Variants in SYNPR observed in about 807,000 individuals in gnomAD.
The protein encoded by SYNPR is synaptoporin.
Under a neutral mutation model 32.9 loss-of-function variants are expected in SYNPR, and 23 were observed. The ratio of observed to expected loss-of-function variants is 0.70; its 90% confidence interval spans 0.50 to 0.99. SYNPR has a LOEUF of 0.99. SYNPR is among the 50% of genes least tolerant of loss of function. SYNPR has a pLI of 0.00. For missense variants in SYNPR, 318 were observed against 349.3 expected, an observed-to-expected ratio of 0.91 and a Z score of 0.71; for synonymous variants, 146 against 135.9, an observed-to-expected ratio of 1.07 and a Z score of -0.52.
At position 63,256,591 on chromosome 3, in the gene SYNPR, A is replaced by C. The variant is rs185280798; in HGVS notation, n.154+4005A>C. 5.3e-5 allele frequency among the ~76,000 whole-genome samples: 8 copies of C among 152,284 alleles called. No homozygotes were observed. In the South Asian group the frequency reaches 6.2e-4, roughly 12 times the overall value. The stretch of plus-strand genomic sequence containing the variant: ...TGTATGTCACCATCATCAAAGACCA[A>C]ATGTAGATAAAACCACAAAGATGGA... On this transcript the variant is annotated intron_variant and non_coding_transcript_variant, in intron 2 of 4. Coordinates refer to the SYNPR transcript ENST00000478456.
chr3:63,475,771 C>T (rs936174636), intron 2 of SYNPR, among the ~76,000 whole-genome samples: 1 of 152,070 alleles, frequency 6.6e-6, no homozygotes, highest in Admixed American at 6.6e-5. Context: ...CCAGGTCTCA[C>T]CCCCAGTTTT....
chr3:63,205,649 G>A, the SYNPR span, among the ~76,000 whole-genome samples: 2 of 152,178 alleles, frequency 1.3e-5, no homozygotes, highest in Non-Finnish European at 2.9e-5. Context: ...TTCTTCCCTT[G>A]ACAGGCACTT....
intron 4 of SYNPR, among the ~76,000 whole-genome samples, chr3:63,606,171 T>C (rs1700116237): frequency 6.6e-6 from 1 of 152,150 alleles, no homozygotes; most frequent in Non-Finnish European, 1.5e-5. Flanking sequence ...AGTGTCAAAG[T>C]AAGGACTAAA....
intron 2 of SYNPR, among the ~76,000 whole-genome samples, chr3:63,386,489 G>A (rs1284232704): frequency 2.0e-5 from 3 of 152,168 alleles, no homozygotes; most frequent in African/African-American, 7.2e-5. Context: ...TAATGTTCCC[G>A]AAACCTGCTT....
intron 2 of SYNPR, among the ~76,000 whole-genome samples, chr3:63,467,243 G>T (rs973773978): frequency 6.6e-6 from 1 of 152,152 alleles, no homozygotes; most frequent in Admixed American, 6.5e-5. Context: ...TGCTCAGGCT[G>T]AGCTGAAGAC....
chr3:63,298,395 A>T (rs1272232540), intron 2 of SYNPR, among the ~76,000 whole-genome samples: 1 of 152,178 alleles, frequency 6.6e-6, no homozygotes, highest in Non-Finnish European at 1.5e-5. Context: ...AACCTAAGTT[A>T]AAAGCACCGA....
At chr3:63,366,701 C>A (rs926101541) in intron 2 of SYNPR, among the ~76,000 whole-genome samples, 1 of 152,146 alleles carries the variant, frequency 6.6e-6, no homozygotes, top group African/African-American at 2.4e-5. Flanking sequence ...AATGAGTAGT[C>A]CTGAGTAAGA....
At chr3:63,468,195 A>C (rs1300556795) in intron 2 of SYNPR, among the ~76,000 whole-genome samples, 1 of 42,608 alleles carries the variant, frequency 2.3e-5, no homozygotes, top group Admixed American at 2.0e-4. Flanking sequence ...ACTCCATCTC[A>C]AAAAAAAAAA....
intron 3 of SYNPR, among the ~76,000 whole-genome samples, chr3:63,512,894 C>G (rs759317562): frequency 6.6e-6 from 1 of 152,094 alleles, no homozygotes; most frequent in Non-Finnish European, 1.5e-5. Context: ...AAGAATTGTT[C>G]TCTTGAAAAT....
chr3:63,488,080 A>G (rs958376031), intron 3 of SYNPR, among the ~76,000 whole-genome samples: 1 of 152,174 alleles, frequency 6.6e-6, no homozygotes, highest in African/African-American at 2.4e-5. Context: ...TGCCAGGCAG[A>G]AAGAATTTTG....
chr3:63,556,734 C>G lies in SYNPR; in HGVS notation c.401C>G (p.Pro134Arg). Residue 134 changes from proline (P) to arginine (R), a missense_variant, in exon 4 of 6, where the codon CCA becomes CGA. Physicochemically the swap from Pro to Arg is moderately radical, Grantham distance 103. Coordinates refer to ENST00000478300, the MANE Select transcript of SYNPR (RefSeq NM_001130003.2). ...AAATACCGGGAAAACAACCGGGGCCCACTCATTGTAAGTGGTTTTCTTTTT... is the reference window on the plus strand; with the variant it reads ...AAATACCGGGAAAACAACCGGGGCCGACTCATTGTAAGTGGTTTTCTTTTT... ...QNKYRENNRGPLIDFIVTVVF... is the reference protein window; with the variant it reads ...QNKYRENNRGRLIDFIVTVVF... 6.2e-7 allele frequency: 1 copy of G among 1,611,010 alleles called. No homozygotes were observed. The highest frequency in any genetic ancestry group is 8.5e-7 in the Non-Finnish European group (1 of 1,178,862).
chr3:63,364,359 T>A (rs553489258), intron 2 of SYNPR, among the ~76,000 whole-genome samples: 2 of 152,200 alleles, frequency 1.3e-5, no homozygotes, highest in South Asian at 2.1e-4. Context: ...TTCAGGAGCT[T>A]AATGTCAATT....
At chr3:63,211,672 T>A in the SYNPR span, among the ~76,000 whole-genome samples, 6 of 151,876 alleles carry the variant, frequency 4.0e-5, no homozygotes, top group South Asian at 1.3e-3. Flanking sequence ...AGCACTCTGC[T>A]GAGAAATCAG....
chr3:63,543,154 C>G (rs1702337252), intron 3 of SYNPR, among the ~76,000 whole-genome samples: 1 of 150,316 alleles, frequency 6.7e-6, no homozygotes, highest in Non-Finnish European at 1.5e-5. Flanking sequence ...TAAAACTCCA[C>G]TATACACTTG....
chr3:63,293,094 A>G (rs1043573999), intron 2 of SYNPR, among the ~76,000 whole-genome samples: 1 of 152,242 alleles, frequency 6.6e-6, no homozygotes, highest in Admixed American at 6.5e-5. Flanking sequence ...TACAATGGCT[A>G]TACATTAATG....
At chr3:63,441,608 A>G (rs1700177721) in intron 2 of SYNPR, among the ~76,000 whole-genome samples, 1 of 152,108 alleles carries the variant, frequency 6.6e-6, no homozygotes, top group Admixed American at 6.5e-5. Context: ...AGATGTGTTC[A>G]CTTGCTTAAT....
In SYNPR at chr3:63,528,633, A is replaced by ATT. The variant is rs34339185; in HGVS notation, c.210-27901_210-27900dup. Among the ~76,000 whole-genome samples, 45 of 150,520 alleles carry ATT rather than the reference A, an allele frequency of 3.0e-4. 1 individual carries two copies. The highest frequency in any genetic ancestry group is 1.4e-3 in the Admixed American group (21 of 15,114). ...TTCCAGTTTGTATGTAAGAAGATGC[A>ATT]TTTTTTTTTTACTTATACATATAGG... On this transcript the variant is annotated intron_variant, in intron 3 of 5. Transcript: ENST00000478300.
chr3:63,553,754 T>G (rs1702543487), intron 3 of SYNPR, among the ~76,000 whole-genome samples: 1 of 152,220 alleles, frequency 6.6e-6, no homozygotes, highest in Admixed American at 6.5e-5. Context: ...GGAGTTTCGC[T>G]CTTGTTGCCC....
At chr3:63,288,995 A>T (rs1560180373) in intron 2 of SYNPR, among the ~76,000 whole-genome samples, 1 of 152,204 alleles carries the variant, frequency 6.6e-6, no homozygotes, top group Non-Finnish European at 1.5e-5. Flanking sequence ...AGATTGCATA[A>T]ATCAGGGTCC....
Sources: allele counts gnomAD v4.1 joint callset (sites outside exome capture counted in the v4.1 genomes callset), GRCh38; gene constraint gnomAD v4.1.1; transcripts MANE v1.5; gene names NCBI Gene and HGNC (gene_info 2026-07-23, HGNC 2026-07-21).